The following TCF20 variants were observed in gnomAD, a reference collection of about 807,000 sequenced individuals.
The protein encoded by TCF20 is SPRE-binding protein.
TCF20 carries 3 observed loss-of-function variants against 148.6 expected under a neutral mutation model. The observed-to-expected ratio is 0.02, with a 90% CI of 0.01 to 0.05. TCF20 has a LOEUF of 0.05. TCF20 is among the 10% of genes least tolerant of loss of function. The pLI is 1.00. For synonymous variants in TCF20, 1,049 were observed against 909.5 expected, an observed-to-expected ratio of 1.15 and a Z score of -2.76; for missense variants, 2,350 against 2,429.3, an observed-to-expected ratio of 0.97 and a Z score of 0.69.
At chr22:42,333,249 G>A (rs1053734619) in intron 1 of TCF20, among the ~76,000 whole-genome samples, 6 of 152,054 alleles carry the variant, frequency 3.9e-5, no homozygotes, top group Non-Finnish European at 4.4e-5. Flanking sequence ...GTGCACCAGG[G>A]CTGTGTGTAG....
chr22:42,187,963 CACAT>C (rs905231882), intron 2 of TCF20, among the ~76,000 whole-genome samples: 1 of 152,056 alleles, frequency 6.6e-6, no homozygotes, highest in African/African-American at 2.4e-5. Flanking sequence ...AAGATTCTGT[CACAT>C]ACCTCTTTTT....
At chr22:42,270,705 CGCGGGCGG>C (rs996052700), upstream of TCF20, among the ~76,000 whole-genome samples, 3 of 122,920 alleles carry the variant, frequency 2.4e-5, no homozygotes, top group African/African-American at 5.9e-5. Flanking sequence ...GGCCGCGGCG[CGCGGGCGG>C]GCGGGAGGGC....
At chr22:42,169,194 G>A (rs9623534) in intron 4 of TCF20, among the ~76,000 whole-genome samples, 13,497 of 151,670 alleles carry the variant, frequency 0.089, 683 homozygotes, top group African/African-American at 0.12. Context: ...AGGTGGCAGT[G>A]GTCTCCGTTC....
chr22:42,243,218 T>A (rs1287386885), intron 1 of TCF20, among the ~76,000 whole-genome samples: 2 of 140,410 alleles, frequency 1.4e-5, no homozygotes, highest in African/African-American at 2.6e-5. Context: ...TAATCTCACC[T>A]GAATCCAGCA....
Position 42,211,135 on chromosome 22 carries a change from C to T in TCF20, c.4171G>A (p.Gly1391Ser), listed in dbSNP as rs774923459. 8.1e-6 allele frequency: 13 copies of T among 1,614,070 alleles called. No individual in the cohort carries two copies. In the Admixed American group the frequency reaches 8.3e-5, roughly 10 times the overall value. Reference protein sequence around the residue: ...TLDDILSLKSGPPEGGSVAVQ... With the variant: ...TLDDILSLKSSPPEGGSVAVQ... ...GCAACACTCCCACCTTCAGGAGGAC[C>T]ACTCTTCAAAGACAGTATATCATCA... Residue 1391 changes from glycine (G) to serine (S), a missense_variant, in exon 2 of 6, where the codon GGT (glycine) becomes AGT (serine). Gly to Ser is a moderately conservative substitution (Grantham distance 56). Transcript: ENST00000677622.
At chr22:42,264,282 G>A (rs1353144223) in intron 1 of TCF20, among the ~76,000 whole-genome samples, 2 of 121,488 alleles carry the variant, frequency 1.6e-5, no homozygotes, top group Non-Finnish European at 3.5e-5. Flanking sequence ...CGGGGCGGGG[G>A]CAGGGTGGGG....
chr22:42,237,738 A>AT (rs1459631315), intron 1 of TCF20, among the ~76,000 whole-genome samples: 1 of 152,238 alleles, frequency 6.6e-6, no homozygotes, highest in African/African-American at 2.4e-5. Context: ...AACAACATTT[A>AT]TCTCCTTATA....
rs551452188 is a variant in TCF20 at position 42,175,050 on chromosome 22, A to AG, written c.5749+4558_5749+4559insC. On this transcript the variant is annotated intron_variant, in intron 3 of 5. Coordinates refer to ENST00000677622, the MANE Select transcript of TCF20 (RefSeq NM_001378418.1). ...ACTCTGTCTCAAAAAACAAAAAAAA[A>AG]AAGCCATTTTTTTCAACTAGAAACA... Among the ~76,000 whole-genome samples, 10 of 152,180 alleles carry AG rather than the reference A, an allele frequency of 6.6e-5. No individual in the cohort carries two copies. The South Asian group carries it at 2.1e-3, about 32-fold the overall frequency.
chr22:42,245,867 G>A (rs1300010175), intron 1 of TCF20, among the ~76,000 whole-genome samples: 1 of 151,950 alleles, frequency 6.6e-6, no homozygotes, highest in African/African-American at 2.4e-5. Context: ...TCCCACCTCA[G>A]CCCCTGAATA....
chr22:42,176,161 G>A (rs1936437146), intron 3 of TCF20, among the ~76,000 whole-genome samples: 1 of 152,196 alleles, frequency 6.6e-6, no homozygotes, highest in Non-Finnish European at 1.5e-5. Flanking sequence ...CTGCCTTTCA[G>A]TCCACATGTA....
rs1357023916 is a variant in TCF20, at chr22:42,169,782, G to T, written c.5799+65C>A. The stretch of plus-strand genomic sequence containing the variant: ...GAGGCCCACCAACACCTGGTCTTCA[G>T]GTCTTTCAGGAGGAGCCACCCTCGA... On this transcript the variant is annotated intron_variant, in intron 4 of 5. Coordinates refer to ENST00000677622, the MANE Select transcript of TCF20 (RefSeq NM_001378418.1). 3 of 1,568,294 alleles carry T rather than the reference G, an allele frequency of 1.9e-6. No individual in the cohort carries two copies. In the African/African-American group the frequency reaches 4.1e-5, roughly 21 times the overall value.
intron 3 of TCF20, among the ~76,000 whole-genome samples, chr22:42,177,138 G>A (rs189180502): frequency 7.5e-4 from 114 of 152,196 alleles, no homozygotes; most frequent in African/African-American, 2.6e-3. Flanking sequence ...AAAAACGCTG[G>A]GCGCGGTGGC....
At chr22:42,170,027 T>TA in intron 3 of TCF20, 131 bp from the exon 4 acceptor site, 3 of 780,672 alleles carry the variant, frequency 3.8e-6, no homozygotes, top group Non-Finnish European at 6.3e-6. Context: ...AGGAAAACAT[T>TA]AGAGACAACC....
chr22:42,336,492 C>T (rs945320903), intron 1 of TCF20, among the ~76,000 whole-genome samples: 1 of 152,078 alleles, frequency 6.6e-6, no homozygotes, highest in Non-Finnish European at 1.5e-5. Flanking sequence ...CCTCCCCATG[C>T]CACGTGGACT....
chr22:42,284,177 G>C (rs987556522), upstream of TCF20, among the ~76,000 whole-genome samples: 3 of 152,178 alleles, frequency 2.0e-5, no homozygotes, highest in Non-Finnish European at 2.9e-5. Context: ...CTTCAACTGC[G>C]GAGAGCGCGT....
chr22:42,182,783 C>T (rs905254312), intron 2 of TCF20, among the ~76,000 whole-genome samples: 2 of 152,308 alleles, frequency 1.3e-5, no homozygotes, highest in East Asian at 3.9e-4. Flanking sequence ...GTCACCCAGG[C>T]TAGAGTGCAG....
At chr22:42,227,767 A>C (rs28548373) in intron 1 of TCF20, among the ~76,000 whole-genome samples, 1 of 152,224 alleles carries the variant, frequency 6.6e-6, no homozygotes, top group Non-Finnish European at 1.5e-5. Context: ...CCTCGTGACC[A>C]GACTCAGGTC....
chr22:42,190,179 C>G (rs898346789), intron 2 of TCF20, among the ~76,000 whole-genome samples: 1 of 152,140 alleles, frequency 6.6e-6, no homozygotes, highest in Non-Finnish European at 1.5e-5. Context: ...CTGAACAGGG[C>G]CAAGTAAGGT....
intron 1 of TCF20, among the ~76,000 whole-genome samples, chr22:42,244,323 T>C (rs190737405): frequency 7.8e-4 from 118 of 152,214 alleles, no homozygotes; most frequent in African/African-American, 2.6e-3. Flanking sequence ...TCCAAACAAA[T>C]AGATATACAC....
Sources: gnomAD v4.1 joint callset for allele counts (sites outside exome capture counted in the v4.1 genomes callset) on GRCh38, gnomAD v4.1.1 for gene constraint, MANE v1.5 for transcripts, NCBI Gene and HGNC (gene_info 2026-07-23, HGNC 2026-07-21) for gene names.